MTIF3: variants seen among roughly 807,000 people sequenced by gnomAD.
The protein encoded by MTIF3 is translation initiation factor IF-3, mitochondrial.
MTIF3 carries 13 observed loss-of-function variants against 20.7 expected under a neutral mutation model. The ratio of observed to expected loss-of-function variants is 0.63; its 90% CI spans 0.41 to 1.00. The LOEUF is 1.00. MTIF3 is among the 50% of genes least tolerant of loss of function. The pLI is 0.00. For missense variants in MTIF3, 295 were observed against 324.5 expected, an observed-to-expected ratio of 0.91 and a Z score of 0.70; for synonymous variants, 114 against 112.5, an observed-to-expected ratio of 1.01 and a Z score of -0.08.
At chr13:27,443,766 ATAAC>A (rs952040914) in intron 2 of MTIF3, among the ~76,000 whole-genome samples, 1 of 152,156 alleles carries the variant, frequency 6.6e-6, no homozygotes, top group Non-Finnish European at 1.5e-5. Context: ...AGCAAACAAA[ATAAC>A]TAGATATAGG....
intron 3 of MTIF3, among the ~76,000 whole-genome samples, chr13:27,438,483 GTTTTTTTTTTTT>G (rs61052475): frequency 1.2e-4 from 13 of 107,134 alleles, no homozygotes; most frequent in East Asian, 3.9e-4. Context: ...GAGCAAGACT[GTTTTTTTTTTTT>G]TTTTTTTTTT....
intron 2 of MTIF3, among the ~76,000 whole-genome samples, chr13:27,442,318 T>C (rs1445320593): frequency 6.6e-6 from 1 of 152,190 alleles, no homozygotes; most frequent in Non-Finnish European, 1.5e-5. Context: ...TCACCTTCTC[T>C]ACTGCTATCA....
In MTIF3 at chr13:27,448,712, T is replaced by C. The variant is rs192864324; in HGVS notation, c.-71+1797A>G. Among the ~76,000 whole-genome samples, 94 of 152,354 alleles carry C rather than the reference T, an allele frequency of 6.2e-4. 2 individuals carry two copies. Among genetic ancestry groups the C allele is most frequent in the Admixed American group, 1.0e-3 (16 of 15,306 alleles). On this transcript the variant is annotated intron_variant, in intron 1 of 4. Coordinates refer to ENST00000381120, the MANE Select transcript of MTIF3 (RefSeq NM_152912.5). ...TAATAACCATATGTTTTAAAAAGCT[T>C]TTAAACCCAGAGCTAAAGACTCTGT...
chr13:27,443,836 T>A (rs1210031122), intron 2 of MTIF3, among the ~76,000 whole-genome samples: 1 of 152,206 alleles, frequency 6.6e-6, no homozygotes, highest in African/African-American at 2.4e-5. Context: ...CATTCCCCTA[T>A]TTTTCCTAAT....
chr13:27,439,242 T>A (rs1440656861), intron 3 of MTIF3, among the ~76,000 whole-genome samples: 1 of 152,110 alleles, frequency 6.6e-6, no homozygotes, highest in Admixed American at 6.5e-5. Flanking sequence ...ACGCCTGTAA[T>A]CCCAGCACTT....
intron 3 of MTIF3, 60 bp from the exon 4 acceptor site, chr13:27,437,333 T>C (rs1371070359): frequency 1.4e-6 from 2 of 1,464,902 alleles, no homozygotes; most frequent in Non-Finnish European, 9.3e-7. Flanking sequence ...ACCCTGAACT[T>C]CCCAACATGC....
intron 2 of MTIF3, among the ~76,000 whole-genome samples, chr13:27,444,315 A>T (rs1205937257): frequency 7.4e-6 from 1 of 135,116 alleles, no homozygotes; most frequent in Non-Finnish European, 1.6e-5. Flanking sequence ...AAAAAAAACG[A>T]AAAAAAAAAG....
intron 2 of MTIF3, among the ~76,000 whole-genome samples, chr13:27,443,740 T>A (rs972731565): frequency 2.6e-5 from 4 of 152,106 alleles, no homozygotes; most frequent in African/African-American, 9.7e-5. Context: ...TTTCAAAATT[T>A]GATTTTTTTC....
At chr13:27,450,061 C>T (rs938850488) in intron 1 of MTIF3, 2 of 152,326 alleles carry the variant, frequency 1.3e-5, no homozygotes, top group Admixed American at 6.5e-5. Flanking sequence ...CGCTCTGCCC[C>T]ACCTGTGCCA....
intron 4 of MTIF3, among the ~76,000 whole-genome samples, chr13:27,436,614 T>C (rs1045267267): frequency 3.3e-5 from 5 of 152,184 alleles, no homozygotes; most frequent in African/African-American, 7.2e-5. Context: ...TGTGTTCATA[T>C]GGCAAAATAC....
chr13:27,439,428 G>A (rs1242623991), intron 3 of MTIF3, among the ~76,000 whole-genome samples: 5 of 152,192 alleles, frequency 3.3e-5, no homozygotes, highest in African/African-American at 1.2e-4. Flanking sequence ...CCTGGGAGGC[G>A]AAGGTTGCAG....
intron 1 of MTIF3, among the ~76,000 whole-genome samples, chr13:27,448,967 G>C (rs1252498636): frequency 7.1e-6 from 1 of 139,868 alleles, no homozygotes; most frequent in Non-Finnish European, 1.5e-5. Context: ...CTTGAACCCG[G>C]GAAGCAGAGG....
intron 3 of MTIF3, among the ~76,000 whole-genome samples, chr13:27,439,128 A>G (rs1953898255): frequency 6.6e-6 from 1 of 152,238 alleles, no homozygotes; most frequent in Admixed American, 6.5e-5. Context: ...TTGTATATCT[A>G]AGAGTGTTGC....
chr13:27,448,880 A>G (rs765441911), intron 1 of MTIF3, among the ~76,000 whole-genome samples: 3 of 152,016 alleles, frequency 2.0e-5, no homozygotes, highest in Non-Finnish European at 4.4e-5. Context: ...CTCTACTAAA[A>G]ATACAAAAAA....
chr13:27,437,759 G>A (rs1011867069), intron 3 of MTIF3, among the ~76,000 whole-genome samples: 4 of 152,052 alleles, frequency 2.6e-5, no homozygotes, highest in African/African-American at 7.3e-5. Context: ...AGAAGGAACC[G>A]GCCACTCAAT....
chr13:27,435,774 A>G lies in MTIF3; in HGVS notation c.738T>C (p.Asn246=). The change falls in exon 5 of 5, where the codon AAT becomes AAC. Residue 246 remains asparagine (N), a synonymous_variant. Transcript: ENST00000381120. Reference sequence around the variant, plus strand: ...GAGTTTCTTTATATGCCTTCTCCTCATTTTTGCTGAAAGCACGAAGAACAC... The same window carrying G: ...GAGTTTCTTTATATGCCTTCTCCTCGTTTTTGCTGAAAGCACGAAGAACAC... ...LMCVLRAFSK[N]EEKAYKETQE... is the part of the protein sequence containing the mutation. 5 of 1,613,952 alleles carry G rather than the reference A, an allele frequency of 3.1e-6. No individual in the cohort carries two copies. In the South Asian group the frequency reaches 5.5e-5, roughly 18 times the overall value.
In MTIF3 at chr13:27,445,818, G is replaced by C. The variant is rs758296315; in HGVS notation, c.-70-662C>G. Among the ~76,000 whole-genome samples the C allele has an allele frequency of 1.2e-4, 19 of 152,072 alleles. 1 individual carries two copies. Among genetic ancestry groups the C allele is most frequent in the Admixed American group, 3.9e-4 (6 of 15,256 alleles). ...CCAGGGGATACAAGGGCCAGACTCA[G>C]AGAAACAATAGAAGATGCCACAAGG... On this transcript the variant is annotated intron_variant, in intron 1 of 4. Coordinates refer to ENST00000381120, the MANE Select transcript of MTIF3 (RefSeq NM_152912.5).
chr13:27,449,266 C>T (rs1954276839), intron 1 of MTIF3, among the ~76,000 whole-genome samples: 1 of 152,182 alleles, frequency 6.6e-6, no homozygotes, highest in Non-Finnish European at 1.5e-5. Flanking sequence ...TCCACTGTCA[C>T]CACCGTCAGT....
At chr13:27,436,316 C>T (rs1953743438) in intron 4 of MTIF3, among the ~76,000 whole-genome samples, 1 of 152,058 alleles carries the variant, frequency 6.6e-6, no homozygotes, top group African/African-American at 2.4e-5. Context: ...AGAAATTCTG[C>T]ATCAGCTGGG....
Sources: allele counts gnomAD v4.1 joint callset (sites outside exome capture counted in the v4.1 genomes callset), GRCh38; gene constraint gnomAD v4.1.1; transcripts MANE v1.5; gene names NCBI Gene and HGNC (gene_info 2026-07-23, HGNC 2026-07-21).